DIAPH3: variants seen among roughly 807,000 people sequenced by gnomAD.
The protein encoded by DIAPH3 is protein diaphanous homolog 3.
Under a neutral mutation model 144.3 loss-of-function variants are expected in DIAPH3, and 117 were observed. The ratio of observed to expected loss-of-function variants is 0.81; its 90% confidence interval spans 0.70 to 0.95. The LOEUF (loss-of-function observed/expected upper bound fraction) is 0.95, where lower values mean the gene tolerates loss of function less well. DIAPH3 is among the 40% of genes least tolerant of loss of function. The probability of loss-of-function intolerance (pLI) is 0.00; values close to 1 mark genes in which losing one functional copy is unlikely to be tolerated. For synonymous variants in DIAPH3, 519 were observed against 488.9 expected, an observed-to-expected ratio of 1.06 and a Z score of -0.81; for missense variants, 1,421 against 1,412.7, an observed-to-expected ratio of 1.01 and a Z score of -0.09.
At chr13:60,106,204 C>T (rs2058416606) in intron 3 of DIAPH3, among the ~76,000 whole-genome samples, 1 of 152,048 alleles carries the variant, frequency 6.6e-6, no homozygotes, top group South Asian at 2.1e-4. Context: ...GTTGTGGTGA[C>T]TAAGACAACA....
intron 25 of DIAPH3, among the ~76,000 whole-genome samples, chr13:59,776,487 T>C (rs921893738): frequency 2.0e-5 from 3 of 152,068 alleles, no homozygotes; most frequent in Non-Finnish European, 4.4e-5. Flanking sequence ...ATATTTAAGA[T>C]AGTAAAAGAA....
intron 9 of DIAPH3, among the ~76,000 whole-genome samples, chr13:60,007,735 G>T (rs1359716306): frequency 1.3e-5 from 2 of 152,062 alleles, no homozygotes; most frequent in South Asian, 2.1e-4. Flanking sequence ...AAAAGAAAGA[G>T]AAATTAAATG....
At chr13:60,095,365 A>G (rs2058075400) in intron 3 of DIAPH3, among the ~76,000 whole-genome samples, 1 of 152,144 alleles carries the variant, frequency 6.6e-6, no homozygotes. Flanking sequence ...AGAGTCAGCA[A>G]TGTATGGGCT....
intron 17 of DIAPH3, among the ~76,000 whole-genome samples, chr13:59,947,438 T>G (rs760467491): frequency 6.6e-6 from 1 of 152,214 alleles, no homozygotes; most frequent in Non-Finnish European, 1.5e-5. Context: ...ACCCTGTTAC[T>G]GTACTATTTC....
At chr13:60,136,440 A>G (rs1345503176) in intron 1 of DIAPH3, among the ~76,000 whole-genome samples, 3 of 150,794 alleles carry the variant, frequency 2.0e-5, no homozygotes, top group Admixed American at 6.6e-5. Context: ...AAAAATAATA[A>G]CCTGATAGCA....
chr13:59,865,515 C>G (rs1329217894), intron 21 of DIAPH3, among the ~76,000 whole-genome samples: 1 of 151,976 alleles, frequency 6.6e-6, no homozygotes, highest in African/African-American at 2.4e-5. Flanking sequence ...GTATTACTGT[C>G]AAGAGATTTA....
At position 60,008,937 on chromosome 13, in the gene DIAPH3, T is replaced by C. The variant is rs193299763; in HGVS notation, c.909-288A>G. Among the ~76,000 whole-genome samples the C allele has an allele frequency of 3.3e-3, 502 of 152,278 alleles. 2 individuals are homozygous for C. The highest frequency in any genetic ancestry group is 0.011 in the African/African-American group (462 of 41,562). ...AAACATCAACTCATTTTAAAGTATA[T>C]AACAATTGTTTGAGGTAGGTACTAT... On this transcript the variant is annotated intron_variant, in intron 8 of 27. Transcript: ENST00000400324.
chr13:59,892,933 C>T (rs1273121952), intron 20 of DIAPH3, among the ~76,000 whole-genome samples: 1 of 151,968 alleles, frequency 6.6e-6, no homozygotes, highest in Non-Finnish European at 1.5e-5. Context: ...AGCATGCAAT[C>T]ACTAATCAAA....
At chr13:60,063,693 G>A (rs1455869863) in intron 4 of DIAPH3, among the ~76,000 whole-genome samples, 1 of 152,082 alleles carries the variant, frequency 6.6e-6, no homozygotes, top group African/African-American at 2.4e-5. Flanking sequence ...TTGGGAGGCC[G>A]AGACAAGTGG....
intron 27 of DIAPH3, among the ~76,000 whole-genome samples, chr13:59,750,023 T>C (rs182845628): frequency 9.8e-5 from 15 of 152,302 alleles, no homozygotes; most frequent in African/African-American, 3.4e-4. Context: ...TCCTTCCCTC[T>C]TGGTCAATAA....
chr13:59,904,467 G>A (rs2046621603), intron 20 of DIAPH3, among the ~76,000 whole-genome samples: 1 of 151,896 alleles, frequency 6.6e-6, no homozygotes, highest in Non-Finnish European at 1.5e-5. Flanking sequence ...AAGAATTTTG[G>A]GTAACCGTGT....
At chr13:60,022,256 G>A (rs887920490) in intron 5 of DIAPH3, among the ~76,000 whole-genome samples, 3 of 152,156 alleles carry the variant, frequency 2.0e-5, no homozygotes, top group Non-Finnish European at 4.4e-5. Context: ...TCTTGCTTCA[G>A]TGTTCTACCT....
chr13:59,809,689 A>T (rs2040374232), intron 25 of DIAPH3, among the ~76,000 whole-genome samples: 1 of 152,164 alleles, frequency 6.6e-6, no homozygotes, highest in South Asian at 2.1e-4. Context: ...TATAAACAAG[A>T]AATTGTGCTT....
intron 27 of DIAPH3, among the ~76,000 whole-genome samples, chr13:59,722,301 T>C (rs1447901876): frequency 6.6e-6 from 1 of 152,226 alleles, no homozygotes; most frequent in Admixed American, 6.5e-5. Flanking sequence ...TCAAAGGAAT[T>C]AATAAAATAT....
At chr13:59,977,217 C>G (rs1239200866) in intron 14 of DIAPH3, among the ~76,000 whole-genome samples, 1 of 151,648 alleles carries the variant, frequency 6.6e-6, no homozygotes, top group Non-Finnish European at 1.5e-5. Context: ...TTAAAAATAC[C>G]AGCAATAAAG....
intron 25 of DIAPH3, among the ~76,000 whole-genome samples, chr13:59,776,139 T>C (rs1167394276): frequency 1.3e-5 from 2 of 152,188 alleles, no homozygotes; most frequent in East Asian, 3.8e-4. Flanking sequence ...ACACAATCCC[T>C]TTACAGAGAT....
At chr13:59,917,507 T>C (rs2047279666) in intron 18 of DIAPH3, among the ~76,000 whole-genome samples, 1 of 152,102 alleles carries the variant, frequency 6.6e-6, no homozygotes, top group Non-Finnish European at 1.5e-5. Context: ...CAAGAAGTCT[T>C]AAATATGAAA....
At chr13:60,086,421 T>C (rs1159192822) in intron 4 of DIAPH3, among the ~76,000 whole-genome samples, 1 of 152,174 alleles carries the variant, frequency 6.6e-6, no homozygotes, top group African/African-American at 2.4e-5. Flanking sequence ...AATCGGTTCA[T>C]TGTGCTGAGG....
chr13:60,133,618 C>G (rs914241917), intron 1 of DIAPH3, among the ~76,000 whole-genome samples: 2 of 152,044 alleles, frequency 1.3e-5, no homozygotes, highest in African/African-American at 4.8e-5. Flanking sequence ...CTTCAAGGAC[C>G]CTTTTGCTGA....
Sources: allele counts gnomAD v4.1 joint callset (sites outside exome capture counted in the v4.1 genomes callset), GRCh38; gene constraint gnomAD v4.1.1; transcripts MANE v1.5; gene names NCBI Gene and HGNC (gene_info 2026-07-23, HGNC 2026-07-21).